MDGA2: variants seen among roughly 807,000 people sequenced by gnomAD.
MDGA2 encodes the protein MAM domain-containing glycosylphosphatidylinositol anchor protein 2.
MDGA2 carries 40 observed loss-of-function variants against 117.8 expected under a neutral mutation model. That is an observed-to-expected ratio of 0.34 (90% CI 0.26 to 0.44). MDGA2 has a LOEUF of 0.44. MDGA2 is among the 20% of genes least tolerant of loss of function. The pLI is 1.00. For synonymous variants in MDGA2, 452 were observed against 439.0 expected (o/e 1.03, Z -0.37); for missense variants, 1,123 against 1,250.6 (o/e 0.90, Z 1.54).
At chr14:47,202,339 G>A (rs767807710) in intron 3 of MDGA2, among the ~76,000 whole-genome samples, 2 of 152,188 alleles carry the variant, frequency 1.3e-5, no homozygotes, top group Non-Finnish European at 2.9e-5. Flanking sequence ...GTAAAAGGTG[G>A]AGATGCATGC....
At chr14:47,296,331 G>T (rs1889072882) in intron 2 of MDGA2, among the ~76,000 whole-genome samples, 1 of 152,132 alleles carries the variant, frequency 6.6e-6, no homozygotes, top group Non-Finnish European at 1.5e-5. Context: ...AAAAACTTGA[G>T]AACAAAAGTA....
At chr14:47,106,778 C>T (rs929183087) in intron 5 of MDGA2, among the ~76,000 whole-genome samples, 3 of 146,240 alleles carry the variant, frequency 2.1e-5, no homozygotes, top group Admixed American at 6.8e-5. Context: ...ACTCACTCCA[C>T]ATTACCCTCT....
At chr14:47,647,923 T>C (rs1052423033) in intron 1 of MDGA2, among the ~76,000 whole-genome samples, 1 of 152,166 alleles carries the variant, frequency 6.6e-6, no homozygotes, top group African/African-American at 2.4e-5. Context: ...TACACTGATT[T>C]GATCTTTACA....
At chr14:47,354,960 G>C (rs1003299122) in intron 1 of MDGA2, among the ~76,000 whole-genome samples, 1 of 152,096 alleles carries the variant, frequency 6.6e-6, no homozygotes, top group African/African-American at 2.4e-5. Context: ...CCTCAACCTT[G>C]ACAGGCTGGG....
intron 1 of MDGA2, among the ~76,000 whole-genome samples, chr14:47,466,827 A>G (rs937622174): frequency 4.3e-5 from 6 of 141,100 alleles, no homozygotes; most frequent in South Asian, 2.1e-4. Context: ...TTAATAACAT[A>G]TTATAATACA....
At chr14:47,574,290 C>A (rs1337099572) in intron 1 of MDGA2, among the ~76,000 whole-genome samples, 2 of 152,132 alleles carry the variant, frequency 1.3e-5, no homozygotes, top group Non-Finnish European at 2.9e-5. Context: ...GTCTTACTTC[C>A]TGGGCTGCTT....
chr14:47,453,542 GT>G (rs1183497995), intron 1 of MDGA2, among the ~76,000 whole-genome samples: 2 of 152,070 alleles, frequency 1.3e-5, no homozygotes, highest in Non-Finnish European at 2.9e-5. Flanking sequence ...CTAGAAGTCT[GT>G]TTTACTCATT....
chr14:47,502,441 C>G (rs1282517006), intron 1 of MDGA2, among the ~76,000 whole-genome samples: 2 of 152,058 alleles, frequency 1.3e-5, no homozygotes, highest in African/African-American at 4.8e-5. Context: ...GTGTAAAACA[C>G]CAAAACATAA....
chr14:47,354,158 C>A (rs1890942734), intron 1 of MDGA2, among the ~76,000 whole-genome samples: 1 of 152,124 alleles, frequency 6.6e-6, no homozygotes, highest in Non-Finnish European at 1.5e-5. Flanking sequence ...AATTTCCTCA[C>A]AGGCCATTTA....
At chr14:46,995,656 A>C (rs1042950689) in intron 8 of MDGA2, among the ~76,000 whole-genome samples, 8 of 151,892 alleles carry the variant, frequency 5.3e-5, no homozygotes, top group African/African-American at 1.5e-4. Flanking sequence ...ATTTATATCA[A>C]AGTATTTTCA....
chr14:47,469,094 G>A (rs548058300), intron 1 of MDGA2, among the ~76,000 whole-genome samples: 2 of 152,128 alleles, frequency 1.3e-5, no homozygotes, highest in African/African-American at 4.8e-5. Flanking sequence ...AAACTGCTAA[G>A]TCAAGAGGCT....
chr14:47,531,482 C>T (rs190963483), intron 1 of MDGA2, among the ~76,000 whole-genome samples: 30 of 152,246 alleles, frequency 2.0e-4, no homozygotes, highest in Middle Eastern at 3.4e-3. Flanking sequence ...TTTAGGCAGC[C>T]ATTAGAAAAT....
intron 2 of MDGA2, among the ~76,000 whole-genome samples, chr14:47,290,105 A>G (rs1279592845): frequency 1.3e-5 from 2 of 149,384 alleles, no homozygotes; most frequent in Admixed American, 1.3e-4. Flanking sequence ...TGAGAAGAAC[A>G]AACAAGGAAA....
At chr14:47,267,960 T>C (rs904630156) in intron 2 of MDGA2, among the ~76,000 whole-genome samples, 1 of 152,218 alleles carries the variant, frequency 6.6e-6, no homozygotes, top group African/African-American at 2.4e-5. Context: ...ACGTTCTTTC[T>C]GCCCTTCCCT....
intron 1 of MDGA2, among the ~76,000 whole-genome samples, chr14:47,588,817 T>C (rs1446840743): frequency 6.6e-6 from 1 of 151,932 alleles, no homozygotes; most frequent in Non-Finnish European, 1.5e-5. Flanking sequence ...TAATACAGAA[T>C]TATCATATTA....
intron 1 of MDGA2, among the ~76,000 whole-genome samples, chr14:47,434,765 T>A (rs1293215025): frequency 6.6e-6 from 1 of 152,156 alleles, no homozygotes; most frequent in African/African-American, 2.4e-5. Flanking sequence ...AACATTTAAG[T>A]GTGGTGTGCA....
chr14:47,068,530 T>C (rs1342396837), intron 6 of MDGA2, among the ~76,000 whole-genome samples: 2 of 151,896 alleles, frequency 1.3e-5, no homozygotes, highest in Non-Finnish European at 2.9e-5. Flanking sequence ...CATGATACCT[T>C]AGCACCAGTT....
rs1019406248 is a variant in MDGA2, at chr14:47,086,796, A to AT, written c.1195+10057dup. On this transcript the variant is annotated intron_variant, in intron 6 of 16. Transcript: ENST00000399232. ...GCTAATTGGCACCATCCTCTGAGGA[A>AT]TTTTTTCTATCTCCCTAATCAGAAT... 8.5e-5 allele frequency among the ~76,000 whole-genome samples: 13 copies of AT among 152,086 alleles called. 1 individual carries two copies. The highest frequency in any genetic ancestry group is 3.1e-4 in the African/African-American group (13 of 41,418).
intron 1 of MDGA2, among the ~76,000 whole-genome samples, chr14:47,322,437 C>T (rs1217120966): frequency 6.6e-6 from 1 of 152,030 alleles, no homozygotes; most frequent in Non-Finnish European, 1.5e-5. Flanking sequence ...AATATCAGTG[C>T]TTTCTAGCAA....
Sources: gnomAD v4.1 joint callset for allele counts (sites outside exome capture counted in the v4.1 genomes callset) on GRCh38, gnomAD v4.1.1 for gene constraint, MANE v1.5 for transcripts, NCBI Gene and HGNC (gene_info 2026-07-23, HGNC 2026-07-21) for gene names.